Variants in CDK13 observed in about 807,000 individuals in gnomAD.
CDK13 encodes the protein cyclin dependent kinase 13.
CDK13 carries 40 observed loss-of-function variants against 137.6 expected under a neutral mutation model. The observed-to-expected ratio is 0.29, with a 90% CI of 0.23 to 0.38. The LOEUF is 0.38. Among genes scored for constraint, CDK13 ranks in the 10% least tolerant of loss-of-function variants. The pLI is 1.00. For synonymous variants in CDK13, 869 were observed against 760.1 expected, an observed-to-expected ratio of 1.14 and a Z score of -2.36; for missense variants, 1,704 against 1,951.8, an observed-to-expected ratio of 0.87 and a Z score of 2.39.
chr7:39,954,373 A>G (rs533055016), intron 1 of CDK13, among the ~76,000 whole-genome samples: 2 of 152,354 alleles, frequency 1.3e-5, no homozygotes, highest in African/African-American at 4.8e-5. Context: ...GATTAATGGA[A>G]AAGTTTTATT....
intron 1 of CDK13, among the ~76,000 whole-genome samples, chr7:39,980,132 G>T (rs905677840): frequency 2.0e-5 from 3 of 152,192 alleles, no homozygotes; most frequent in Non-Finnish European, 4.4e-5. Flanking sequence ...CATTCAGAGG[G>T]TATGGATATA....
At chr7:40,058,403 G>A (rs1438342577) in intron 7 of CDK13, among the ~76,000 whole-genome samples, 1 of 152,026 alleles carries the variant, frequency 6.6e-6, no homozygotes, top group Non-Finnish European at 1.5e-5. Flanking sequence ...AGCTGGGCAT[G>A]GTGGTGCATG....
chr7:40,031,746 A>G (rs557244768), intron 5 of CDK13, among the ~76,000 whole-genome samples: 1 of 151,584 alleles, frequency 6.6e-6, no homozygotes, highest in Non-Finnish European at 1.5e-5. Context: ...CCCAGTCTCA[A>G]GTGATCCTCC....
chr7:40,026,798 C>A (rs995296646), intron 5 of CDK13, among the ~76,000 whole-genome samples: 3 of 151,988 alleles, frequency 2.0e-5, no homozygotes, highest in Non-Finnish European at 4.4e-5. Flanking sequence ...GGAAATAATC[C>A]GAATAATAAA....
intron 1 of CDK13, among the ~76,000 whole-genome samples, chr7:39,974,554 T>C (rs1278850256): frequency 7.7e-5 from 1 of 12,952 alleles, no homozygotes; most frequent in African/African-American, 3.3e-4. Context: ...TTTTCTTTTT[T>C]TCTTTTTTTT....
chr7:39,997,436 A>C (rs1029121735), intron 2 of CDK13, 58 bp from the exon 3 acceptor site: 21 of 1,271,980 alleles, frequency 1.7e-5, no homozygotes, highest in Non-Finnish European at 2.4e-5. Flanking sequence ...AGTCATAAGC[A>C]TATTTTTATT....
chr7:40,059,163 T>G (rs1012928867), intron 7 of CDK13: 4 of 152,224 alleles, frequency 2.6e-5, no homozygotes, highest in African/African-American at 4.8e-5. Flanking sequence ...GATTTTGTTC[T>G]GTTTTTCTAT....
chr7:40,012,265 C>A (rs1219678728), intron 5 of CDK13, among the ~76,000 whole-genome samples: 1 of 152,004 alleles, frequency 6.6e-6, no homozygotes, highest in African/African-American at 2.4e-5. Context: ...CCCCAAAAAT[C>A]AAAAATAGAA....
intron 7 of CDK13, among the ~76,000 whole-genome samples, chr7:40,058,618 T>TA (rs1284298281): frequency 2.0e-5 from 3 of 152,116 alleles, no homozygotes; most frequent in African/African-American, 7.2e-5. Flanking sequence ...GGAAACCAGT[T>TA]AAGATATTGT....
chr7:40,028,431 G>A (rs1468940343), intron 5 of CDK13, among the ~76,000 whole-genome samples: 1 of 151,994 alleles, frequency 6.6e-6, no homozygotes, highest in Non-Finnish European at 1.5e-5. Context: ...TGTTGGCCAG[G>A]ATGGTCTTAA....
rs781461656 is a variant in CDK13, at chr7:40,021,153, A to ACACACACACACAC, written c.2353+19122_2353+19123insCACACACACACAC. Among the ~76,000 whole-genome samples the ACACACACACACAC allele has an allele frequency of 7.3e-5, 11 of 151,136 alleles. 1 individual carries two copies. The highest frequency in any genetic ancestry group is 1.3e-4 in the Non-Finnish European group (9 of 67,784). ...CACACACACACACACACACACACAT[A>ACACACACACACAC]AAGTTTTAAGTCTGAAATTCCCAAA... On this transcript the variant is annotated intron_variant, in intron 5 of 13. Coordinates refer to ENST00000181839, the MANE Select transcript of CDK13 (RefSeq NM_003718.5).
chr7:40,000,799 T>G (rs1784666657), intron 4 of CDK13, among the ~76,000 whole-genome samples: 1 of 152,234 alleles, frequency 6.6e-6, no homozygotes, highest in South Asian at 2.1e-4. Context: ...TGCTTCCTTC[T>G]TTTAGAAAAT....
Position 40,094,529 on chromosome 7 carries a change from T to C in CDK13, c.4088T>C (p.Leu1363Pro). The C allele has an allele frequency of 6.2e-7, 1 of 1,612,158 alleles. No homozygotes were observed. The highest frequency in any genetic ancestry group is 8.5e-7 in the Non-Finnish European group (1 of 1,179,126). Residue 1363 changes from leucine to proline, a missense_variant, in exon 14 of 14, where the codon CTA becomes CCA. Around this residue, in one of 5 missense-constraint regions of CDK13, gnomAD observed 475 missense variants for 579.3 expected, o/e 0.82. Transcript: ENST00000181839. ...DGLGSSSAPP[L>P]ERRSFIGNSD... ...CTAGGAAGCAGTTCTGCTCCACCAC[T>C]AGAACGACGTAGTTTCATTGGAAAT...
chr7:39,989,206 A>G (rs1784408021), intron 2 of CDK13, among the ~76,000 whole-genome samples: 1 of 151,916 alleles, frequency 6.6e-6, no homozygotes, highest in Non-Finnish European at 1.5e-5. Flanking sequence ...ATTGAGAAAC[A>G]TATTCTTAAG....
At chr7:40,090,843 G>T (rs560157129) in intron 12 of CDK13, among the ~76,000 whole-genome samples, 1 of 152,284 alleles carries the variant, frequency 6.6e-6, no homozygotes, top group South Asian at 2.1e-4. Context: ...CTGGCACTGT[G>T]GCCTGGATGA....
chr7:39,988,353 A>G, intron 2 of CDK13, 95 bp downstream of exon 2: 1 of 856,340 alleles, frequency 1.2e-6, no homozygotes, highest in Non-Finnish European at 1.8e-6. Flanking sequence ...CCTCGAAACA[A>G]CTTTAGTGAA....
At chr7:40,008,001 C>G (rs137904179) in intron 5 of CDK13, among the ~76,000 whole-genome samples, 1 of 152,140 alleles carries the variant, frequency 6.6e-6, no homozygotes, top group Non-Finnish European at 1.5e-5. Context: ...AATGAAAGAT[C>G]GGCATATCTC....
chr7:39,996,686 C>G (rs1784566356), intron 2 of CDK13, among the ~76,000 whole-genome samples: 1 of 152,002 alleles, frequency 6.6e-6, no homozygotes, highest in Non-Finnish European at 1.5e-5. Context: ...TGTGTCTCTA[C>G]CAGAATCAAA....
chr7:40,014,162 G>C (rs1256674510), intron 5 of CDK13, among the ~76,000 whole-genome samples: 1 of 146,156 alleles, frequency 6.8e-6, no homozygotes, highest in Non-Finnish European at 1.5e-5. Flanking sequence ...TCCGACTCCC[G>C]GGTTCAAGCG....
Sources: gnomAD v4.1 joint callset for allele counts (sites outside exome capture counted in the v4.1 genomes callset) on GRCh38, gnomAD v4.1.1 for gene constraint, gnomAD v4.1.1 regional missense constraint, MANE v1.5 for transcripts, NCBI Gene and HGNC (gene_info 2026-07-23, HGNC 2026-07-21) for gene names.